The following KIF13A variants were observed in gnomAD, a reference collection of about 807,000 sequenced individuals.
KIF13A encodes kinesin-like protein KIF13A.
KIF13A carries 79 observed loss-of-function variants against 212.2 expected under a neutral mutation model. That is an observed-to-expected ratio of 0.37 (90% CI 0.31 to 0.45). KIF13A has a LOEUF of 0.45. Ranked by LOEUF, KIF13A falls within the 20% of genes least tolerant of loss-of-function variation. The pLI, the probability that KIF13A is intolerant of heterozygous loss-of-function variation, is 1.00. For missense variants in KIF13A, 1,901 were observed against 2,209.0 expected (o/e 0.86, Z 2.79); for synonymous variants, 789 against 808.6 (o/e 0.98, Z 0.41).
intron 14 of KIF13A, among the ~76,000 whole-genome samples, chr6:17,827,392 T>C (rs1329035688): frequency 6.6e-6 from 1 of 152,094 alleles, no homozygotes; most frequent in African/African-American, 2.4e-5. Context: ...CCACTGTTCC[T>C]GGCCTGCTTT....
intron 11 of KIF13A, among the ~76,000 whole-genome samples, chr6:17,835,117 C>G (rs12529786): frequency 6.8e-6 from 1 of 146,036 alleles, no homozygotes; most frequent in Non-Finnish European, 1.5e-5. Flanking sequence ...ACCCAGGAGA[C>G]AGAGGTTGCA....
intron 28 of KIF13A, among the ~76,000 whole-genome samples, chr6:17,784,626 G>A (rs916234237): frequency 2.0e-5 from 3 of 152,128 alleles, no homozygotes; most frequent in Admixed American, 2.0e-4. Flanking sequence ...CACTCAAGAT[G>A]ATCTGAAGTT....
At chr6:17,901,261 T>A (rs1420297946) in intron 2 of KIF13A, among the ~76,000 whole-genome samples, 2 of 151,998 alleles carry the variant, frequency 1.3e-5, no homozygotes, top group Admixed American at 6.6e-5. Context: ...TGAAGAAAAA[T>A]GTTTCCAGTA....
At chr6:17,974,330 G>A (rs1431379761) in intron 2 of KIF13A, among the ~76,000 whole-genome samples, 4 of 151,990 alleles carry the variant, frequency 2.6e-5, no homozygotes, top group Non-Finnish European at 5.9e-5. Flanking sequence ...TGCCCACCTC[G>A]GCCTCCCAAA....
chr6:17,974,169 C>T (rs1780065235), intron 2 of KIF13A, among the ~76,000 whole-genome samples: 1 of 152,166 alleles, frequency 6.6e-6, no homozygotes, highest in Non-Finnish European at 1.5e-5. Context: ...GCAACCTCCA[C>T]CTCCCGGGTT....
rs1433031486 is a variant in KIF13A, at chr6:17,799,424, C to T, written c.2632G>A (p.Ala878Thr). ...KLTCRVKIKE[A>T]TGLPLNLSNF... ...GAGAGGTTTAAGGGCAGCCCCGTTG[C>T]TTCTTTAATTTTTACCTGAAGAGAT... Residue 878 changes from alanine (A) to threonine (T), a missense_variant, in exon 22 of 39, where the codon GCA (alanine) becomes ACA (threonine). Around this residue, in one of 5 missense-constraint regions of KIF13A, gnomAD observed 534 missense variants for 536.9 expected, o/e 0.99. Coordinates refer to ENST00000259711, the MANE Select transcript of KIF13A (RefSeq NM_022113.6). The surrounding 1 kb of genome is among the most constrained non-coding windows in gnomAD (Gnocchi z 4.4). The T allele has an allele frequency of 6.4e-7, 1 of 1,560,880 alleles. No homozygotes were observed. Among genetic ancestry groups the T allele is most frequent in the Non-Finnish European group, 8.7e-7 (1 of 1,152,872 alleles).
chr6:17,778,895 T>TG, intron 33 of KIF13A, 52 bp downstream of exon 33: 6 of 1,542,484 alleles, frequency 3.9e-6, no homozygotes, highest in Non-Finnish European at 5.3e-6. Context: ...ATCTGTCCAT[T>TG]GGGGGTGAAG....
intron 2 of KIF13A, among the ~76,000 whole-genome samples, chr6:17,965,932 T>G (rs960735880): frequency 2.0e-5 from 3 of 152,124 alleles, no homozygotes; most frequent in Non-Finnish European, 4.4e-5. Context: ...TCCCAGCACT[T>G]TGGGTGGCTG....
At chr6:17,762,087 CAG>C (rs1758612110), downstream of KIF13A, among the ~76,000 whole-genome samples, 1 of 152,022 alleles carries the variant, frequency 6.6e-6, no homozygotes, top group East Asian at 1.9e-4. Context: ...ATTATTTAAA[CAG>C]AGATAGGATC....
At chr6:17,977,971 A>T (rs1232785716) in intron 2 of KIF13A, among the ~76,000 whole-genome samples, 1 of 152,266 alleles carries the variant, frequency 6.6e-6, no homozygotes, top group East Asian at 1.9e-4. Context: ...TTTAAAAAAG[A>T]TACGATTGCG....
chr6:17,950,158 G>A (rs188459981), intron 2 of KIF13A, among the ~76,000 whole-genome samples: 5 of 152,108 alleles, frequency 3.3e-5, no homozygotes, highest in Non-Finnish European at 7.4e-5. Flanking sequence ...ATGTTATTTT[G>A]TAAATCCTTG....
intron 11 of KIF13A, among the ~76,000 whole-genome samples, chr6:17,835,841 G>T (rs1189838837): frequency 6.6e-6 from 1 of 152,168 alleles, no homozygotes; most frequent in African/African-American, 2.4e-5. Flanking sequence ...GCATGTAAAT[G>T]CTCCATAAAT....
chr6:17,806,834 A>G (rs1480395803), intron 18 of KIF13A, among the ~76,000 whole-genome samples: 3 of 152,174 alleles, frequency 2.0e-5, no homozygotes, highest in African/African-American at 7.2e-5. Context: ...AGCCAAGATC[A>G]TGTCATTGCA....
intron 2 of KIF13A, among the ~76,000 whole-genome samples, chr6:17,986,589 T>C (rs1781572558): frequency 6.6e-6 from 1 of 152,272 alleles, no homozygotes; most frequent in East Asian, 1.9e-4. Context: ...CTTTATTTTT[T>C]CCTCCCATTT....
At position 17,850,625 on chromosome 6, in the gene KIF13A, T is replaced by C. The variant is rs1028262081; in HGVS notation, c.583-168A>G. ...AGCATGGTTTGAGCTTCCACCTCAC[T>C]CAAGACTTTGTAATGTATGAAATGT... On this transcript the variant is annotated intron_variant, in intron 7 of 38. Transcript: ENST00000259711. This position sits in a 1 kb window ranked among gnomAD's most constrained non-coding sequence, Gnocchi z 6.2. Among the ~76,000 whole-genome samples the C allele has an allele frequency of 1.3e-5, 2 of 152,214 alleles. No individual in the cohort carries two copies. Among genetic ancestry groups the C allele is most frequent in the African/African-American group, 2.4e-5 (1 of 41,458 alleles).
chr6:17,866,875 A>ATT (rs1491404950), intron 4 of KIF13A, among the ~76,000 whole-genome samples: 3 of 125,154 alleles, frequency 2.4e-5, no homozygotes, highest in African/African-American at 8.6e-5. Flanking sequence ...ATATATATAT[A>ATT]TTTACACACA....
In KIF13A at chr6:17,895,358, TA is replaced by T. The variant is rs1452147944; in HGVS notation, c.159+2809del. ...GATGGTGTATTGGACATTGTATTTT[TA>T]AAACAGTTTGTGGAATCACTAAAGA... On this transcript the variant is annotated intron_variant, in intron 3 of 38. Transcript: ENST00000259711. The surrounding 1 kb of genome is among the most constrained non-coding windows in gnomAD (Gnocchi z 4.4). 6.6e-6 allele frequency among the ~76,000 whole-genome samples: 1 copy of T among 152,236 alleles called. No individual in the cohort carries two copies. Among genetic ancestry groups the T allele is most frequent in the Non-Finnish European group, 1.5e-5 (1 of 68,030 alleles).
intron 22 of KIF13A, 32 bp from the exon 23 acceptor site, chr6:17,796,852 T>G: frequency 7.1e-7 from 1 of 1,410,122 alleles, no homozygotes; most frequent in Non-Finnish European, 9.4e-7. Flanking sequence ...AAAAGAATTA[T>G]GCTTAAAGGA....
rs1365556673 is a variant in KIF13A, at chr6:17,918,044, A to T, written c.147-19864T>A. On this transcript the variant is annotated intron_variant, in intron 2 of 38. Transcript: ENST00000259711. The surrounding 1 kb of genome is among the most constrained non-coding windows in gnomAD (Gnocchi z 4.8). ...TCTGTTTCCTCGTGGCACCTGTTGC[A>T]CTTTCTCGGAGTCATGGTTTGTTGT... Among the ~76,000 whole-genome samples the T allele has an allele frequency of 6.7e-6, 1 of 149,148 alleles. No homozygotes were observed. Among genetic ancestry groups the T allele is most frequent in the Non-Finnish European group, 1.5e-5 (1 of 66,772 alleles).
Sources: allele counts gnomAD v4.1 joint callset (sites outside exome capture counted in the v4.1 genomes callset), GRCh38; gene constraint gnomAD v4.1.1; regional missense constraint gnomAD v4.1.1; non-coding constraint Gnocchi (gnomAD v3.1); transcripts MANE v1.5; gene names NCBI Gene and HGNC (gene_info 2026-07-23, HGNC 2026-07-21).